SLC30A8: variants seen among roughly 807,000 people sequenced by gnomAD.
The protein encoded by SLC30A8 is solute carrier family 30 member 8, also known as proton-coupled zinc antiporter SLC30A8.
SLC30A8 carries 27 observed loss-of-function variants against 36.9 expected under a neutral mutation model. That is an observed-to-expected ratio of 0.73 (90% CI 0.54 to 1.01). The LOEUF is 1.01. Among genes scored for constraint, SLC30A8 ranks in the 50% least tolerant of loss-of-function variants. The pLI is 0.00. For synonymous variants in SLC30A8, 164 were observed against 172.4 expected (o/e 0.95, Z 0.38); for missense variants, 439 against 452.0 (o/e 0.97, Z 0.26).
At position 117,153,032 on chromosome 8, in the gene SLC30A8, C is replaced by A; in HGVS notation, c.360C>A (p.Ser120=). ...CCAGTTTCCTGCTCAGTCTCTTCTC[C>A]CTGTGGTTGTCATCGAAGCCTCCCT... is the stretch of plus-strand genomic sequence containing the variant. ...DLTSFLLSLF[S]LWLSSKPPSK... The change falls in exon 3 of 8, where the codon TCC becomes TCA. Residue 120 remains serine (S), a synonymous_variant. Transcript: ENST00000456015. The A allele has an allele frequency of 6.2e-7, 1 of 1,613,374 alleles. No individual in the cohort carries two copies. The highest frequency in any genetic ancestry group is 2.2e-5 in the East Asian group (1 of 44,860).
At chr8:117,170,466 T>C (rs911068409) in intron 6 of SLC30A8, among the ~76,000 whole-genome samples, 1 of 152,154 alleles carries the variant, frequency 6.6e-6, no homozygotes, top group Non-Finnish European at 1.5e-5. Flanking sequence ...AATGTTAGGA[T>C]CCTCTATTAG....
intron 2 of SLC30A8, among the ~76,000 whole-genome samples, chr8:117,050,112 T>G (rs1233637187): frequency 6.6e-6 from 1 of 152,192 alleles, no homozygotes; most frequent in African/African-American, 2.4e-5. Flanking sequence ...TACTTTTTAT[T>G]ACACTCTCTG....
intron 2 of SLC30A8, among the ~76,000 whole-genome samples, chr8:117,079,345 A>G (rs934318944): frequency 6.6e-6 from 1 of 152,120 alleles, no homozygotes; most frequent in Non-Finnish European, 1.5e-5. Context: ...AAATATTCAC[A>G]TAGTAGTCAT....
chr8:117,153,157 G>A, intron 3 of SLC30A8, 67 bp downstream of exon 3: 1 of 1,442,732 alleles, frequency 6.9e-7, no homozygotes, highest in Non-Finnish European at 9.3e-7. Context: ...GGTAAAAGTG[G>A]AAGACACGAA....
intron 2 of SLC30A8, among the ~76,000 whole-genome samples, chr8:117,129,468 A>C (rs1029356294): frequency 2.6e-5 from 4 of 152,132 alleles, no homozygotes; most frequent in Admixed American, 2.0e-4. Flanking sequence ...GTTTCCTTCC[A>C]TAGGAAAAGT....
intron 2 of SLC30A8, among the ~76,000 whole-genome samples, chr8:117,044,325 C>T (rs892672558): frequency 5.1e-4 from 78 of 152,298 alleles, no homozygotes; most frequent in African/African-American, 1.8e-3. Flanking sequence ...TGACTGAGTA[C>T]ACATTGGAGG....
At chr8:116,959,730 T>A (rs1458248370) in intron 1 of SLC30A8, among the ~76,000 whole-genome samples, 1 of 152,176 alleles carries the variant, frequency 6.6e-6, no homozygotes, top group East Asian at 1.9e-4. Flanking sequence ...CTGTCCAAGG[T>A]CTTATGAATT....
At position 116,985,244 on chromosome 8, in the gene SLC30A8, T is replaced by G. The variant is rs546274161; in HGVS notation, c.-266+34125T>G. ...TACTATAATTAATTTCTTGTATCTC[T>G]TTCTAGAATTTCTCTAAGTATATGC... On this transcript the variant is annotated intron_variant, in intron 1 of 10. Coordinates refer to the SLC30A8 transcript ENST00000427715. 2.6e-5 allele frequency among the ~76,000 whole-genome samples: 4 copies of G among 151,930 alleles called. No individual in the cohort carries two copies. In the East Asian group the frequency reaches 7.7e-4, roughly 29 times the overall value.
Position 117,045,636 on chromosome 8 carries a change from T to TG in SLC30A8, c.-226+6380dup, listed in dbSNP as rs1424996230. 2.7e-5 allele frequency among the ~76,000 whole-genome samples: 4 copies of TG among 149,990 alleles called. No individual in the cohort carries two copies. In the East Asian group the frequency reaches 7.7e-4, roughly 29 times the overall value. On this transcript the variant is annotated intron_variant, in intron 2 of 10. Coordinates refer to the SLC30A8 transcript ENST00000427715. ...CACTCCCATATTTGAAGAAGCAACTTGGAGTCCGTGACCTAGGTGGGCTGA... is the reference window on the plus strand; with the variant it reads ...CACTCCCATATTTGAAGAAGCAACTTGGGAGTCCGTGACCTAGGTGGGCTGA...
chr8:117,097,166 G>A (rs1023326759), intron 2 of SLC30A8, among the ~76,000 whole-genome samples: 6 of 151,320 alleles, frequency 4.0e-5, no homozygotes, highest in Non-Finnish European at 8.8e-5. Flanking sequence ...TTGGGAGGCC[G>A]AGGTGGGCAG....
At chr8:117,057,324 T>C (rs1817902127) in intron 2 of SLC30A8, among the ~76,000 whole-genome samples, 1 of 152,232 alleles carries the variant, frequency 6.6e-6, no homozygotes, top group South Asian at 2.1e-4. Context: ...ACATATTGTA[T>C]AACGCTTACC....
At chr8:117,167,513 A>G (rs1216233464) in intron 6 of SLC30A8, among the ~76,000 whole-genome samples, 1 of 151,812 alleles carries the variant, frequency 6.6e-6, no homozygotes, top group Non-Finnish European at 1.5e-5. Flanking sequence ...ATGTATATGT[A>G]TATGTGTATG....
intron 1 of SLC30A8, among the ~76,000 whole-genome samples, chr8:117,023,461 GGAACCAACCCAAA>G (rs1816772429): frequency 6.6e-6 from 1 of 152,072 alleles, no homozygotes; most frequent in Non-Finnish European, 1.5e-5. Context: ...GCAAAGACTT[GGAACCAACCCAAA>G]TGTCCAACAG....
intron 2 of SLC30A8, among the ~76,000 whole-genome samples, chr8:117,072,938 A>T (rs1215032195): frequency 2.6e-5 from 4 of 151,708 alleles, no homozygotes; most frequent in South Asian, 2.1e-4. Context: ...GAGTCCTTGC[A>T]CATGTAAAAT....
intron 2 of SLC30A8, among the ~76,000 whole-genome samples, chr8:117,087,255 A>G (rs1169518765): frequency 6.6e-6 from 1 of 152,182 alleles, no homozygotes; most frequent in East Asian, 1.9e-4. Flanking sequence ...AAGAGAAACC[A>G]TTTCATAGAG....
intron 1 of SLC30A8, among the ~76,000 whole-genome samples, chr8:116,968,272 A>AATAGCTTATTATATAGCTATAGT (rs1814667485): frequency 1.3e-5 from 2 of 151,624 alleles, no homozygotes; most frequent in Admixed American, 1.3e-4. Flanking sequence ...ATTTATTCTC[A>AATAGCTTATTATATAGCTATAGT]ATAGCTTATT....
intron 1 of SLC30A8, among the ~76,000 whole-genome samples, chr8:116,990,926 G>A (rs995292825): frequency 2.0e-5 from 3 of 152,062 alleles, no homozygotes; most frequent in African/African-American, 7.3e-5. Context: ...TTTTGCATCT[G>A]TGTGTGTCTG....
At chr8:117,128,766 G>A (rs769195035) in intron 2 of SLC30A8, among the ~76,000 whole-genome samples, 6 of 152,076 alleles carry the variant, frequency 3.9e-5, no homozygotes, top group Admixed American at 2.6e-4. Context: ...TACTTGGGAA[G>A]TGTTTCCTTT....
intron 1 of SLC30A8, among the ~76,000 whole-genome samples, chr8:116,987,699 ATTT>A (rs1183213313): frequency 3.3e-5 from 5 of 151,330 alleles, no homozygotes; most frequent in African/African-American, 1.2e-4. Flanking sequence ...TTACTTTTTT[ATTT>A]TTTATTTTTC....
Sources: allele counts gnomAD v4.1 joint callset (sites outside exome capture counted in the v4.1 genomes callset), GRCh38; gene constraint gnomAD v4.1.1; transcripts MANE v1.5; gene names NCBI Gene and HGNC (gene_info 2026-07-23, HGNC 2026-07-21).